Variants in PDXDC1 observed in about 807,000 individuals in gnomAD.
The protein encoded by PDXDC1 is pyridoxal-dependent decarboxylase domain-containing protein 1.
PDXDC1 carries 42 observed loss-of-function variants against 100.1 expected under a neutral mutation model. The ratio of observed to expected loss-of-function variants is 0.42; its 90% confidence interval spans 0.33 to 0.54. PDXDC1 has a LOEUF of 0.54. PDXDC1 is among the 20% of genes least tolerant of loss of function. The probability of loss-of-function intolerance (pLI) is 0.10; values close to 1 mark genes in which losing one functional copy is unlikely to be tolerated. For missense variants in PDXDC1, 636 were observed against 979.2 expected (o/e 0.65, Z 4.68); for synonymous variants, 260 against 371.7 (o/e 0.70, Z 3.46).
downstream of PDXDC1, among the ~76,000 whole-genome samples, chr16:15,139,714 G>A (rs575310567): frequency 3.3e-5 from 5 of 152,240 alleles, no homozygotes; most frequent in Admixed American, 3.3e-4. Flanking sequence ...CAGGGAGGTC[G>A]AGGCTGCAGT....
chr16:15,071,484 G>A (rs1597905992), intron 16 of PDXDC1, among the ~76,000 whole-genome samples: 4 of 152,224 alleles, frequency 2.6e-5, no homozygotes, highest in Middle Eastern at 3.4e-3. Context: ...CAATCAACCC[G>A]GGGCCAGGCA....
intron 1 of PDXDC1, among the ~76,000 whole-genome samples, chr16:14,982,868 T>C (rs1305069731): frequency 6.6e-6 from 1 of 152,256 alleles, no homozygotes; most frequent in African/African-American, 2.4e-5. Context: ...AAATGCTTTT[T>C]GCAGAGATGA....
At chr16:15,019,876 G>C (rs1182696204) in intron 12 of PDXDC1, among the ~76,000 whole-genome samples, 2 of 152,274 alleles carry the variant, frequency 1.3e-5, no homozygotes, top group Non-Finnish European at 2.9e-5. Context: ...ACTTTGGGAG[G>C]CTGAAGCGGG....
rs549707272 is a variant in PDXDC1 at position 15,133,647 on chromosome 16, G to A, written c.1400-5232G>A. 135 of 1,395,782 alleles carry A rather than the reference G, an allele frequency of 9.7e-5. No homozygotes were observed. The African/African-American group carries it at 1.7e-3, about 18-fold the overall frequency. The allele number at this position is 1,395,782 out of a possible 1,614,324, so 86.5% of individuals were successfully genotyped here. A position where few individuals can be genotyped will look rare whatever the true frequency, so the allele number is the denominator to read the frequency against. On this transcript the variant is annotated intron_variant, in intron 16 of 16. Coordinates refer to the PDXDC1 transcript ENST00000535621. Reference sequence around the variant, plus strand: ...TCCTCGCAGTGGCCCTGGCGACAGCGCTGCAGCAGCAGGGCGTACACCAGC... The same window carrying A: ...TCCTCGCAGTGGCCCTGGCGACAGCACTGCAGCAGCAGGGCGTACACCAGC...
Position 15,133,082 on chromosome 16 carries a change from G to C in PDXDC1, c.1400-5797G>C, listed in dbSNP as rs1224252053. The stretch of plus-strand genomic sequence containing the variant: ...GGGGGCTGCATTGTGGAAAGCAGAC[G>C]CCGGAGAGGGCCCGGTGGGTGTGGC... On this transcript the variant is annotated intron_variant, in intron 16 of 16. Coordinates refer to the PDXDC1 transcript ENST00000535621. 4 of 622,934 alleles carry C rather than the reference G, an allele frequency of 6.4e-6. No homozygotes were observed. In the African/African-American group the frequency reaches 7.4e-5, roughly 12 times the overall value. The allele number at this position is 622,934 out of a possible 1,614,324, so 38.6% of individuals were successfully genotyped here.
intron 16 of PDXDC1, among the ~76,000 whole-genome samples, chr16:15,077,591 G>T (rs35512524): frequency 6.6e-6 from 1 of 152,038 alleles, no homozygotes; most frequent in Non-Finnish European, 1.5e-5. Context: ...CCTGTAATCC[G>T]AGCTCTTTGG....
the PDXDC1 span, among the ~76,000 whole-genome samples, chr16:15,145,544 T>C: frequency 1.1e-3 from 171 of 152,332 alleles, 2 homozygotes; most frequent in Admixed American, 1.0e-2. Context: ...ATGGCGCTGC[T>C]AAGGTCAGGA....
intron 3 of PDXDC1, among the ~76,000 whole-genome samples, chr16:15,001,512 AGACT>A (rs1284292424): frequency 4.6e-5 from 7 of 152,288 alleles, no homozygotes; most frequent in Non-Finnish European, 4.4e-5. Context: ...AAAAATAAAA[AGACT>A]GGTGACATTT....
chr16:15,121,958 T>A (rs930411335), intron 16 of PDXDC1: 1 of 239,892 alleles, frequency 4.2e-6, no homozygotes, highest in East Asian at 1.4e-4. Context: ...CTGGCGAACA[T>A]GGTGAAACCC....
At chr16:15,094,685 G>A (rs2046290059) in intron 16 of PDXDC1, 1 of 200,914 alleles carries the variant, frequency 5.0e-6, no homozygotes, top group Non-Finnish European at 1.0e-5. Flanking sequence ...TATACTCAGT[G>A]CAGCAGTCTC....
At chr16:15,034,177 G>T (rs2043249933) in intron 19 of PDXDC1, 109 bp from the exon 20 acceptor site, 1 of 871,478 alleles carries the variant, frequency 1.1e-6, no homozygotes, top group Non-Finnish European at 1.8e-6. Flanking sequence ...TTCAATGCAG[G>T]ATTTCATTGA....
intron 14 of PDXDC1, among the ~76,000 whole-genome samples, chr16:15,028,468 C>T (rs1157822226): frequency 6.6e-6 from 1 of 152,296 alleles, no homozygotes; most frequent in African/African-American, 2.4e-5. Flanking sequence ...TCCAAGATGA[C>T]AGAAACCTTA....
intron 16 of PDXDC1, among the ~76,000 whole-genome samples, chr16:15,064,640 A>G (rs1358603933): frequency 6.6e-6 from 1 of 152,232 alleles, no homozygotes; most frequent in Admixed American, 6.5e-5. Flanking sequence ...CAGTTTAAAG[A>G]AAAACAAAAA....
intron 16 of PDXDC1, among the ~76,000 whole-genome samples, chr16:15,124,489 C>T (rs2047596246): frequency 6.6e-6 from 1 of 150,448 alleles, no homozygotes; most frequent in Admixed American, 6.6e-5. Context: ...AAAAACAAAA[C>T]AGGGGCTGGG....
At chr16:15,031,204 G>C (rs2043044716) in intron 16 of PDXDC1, among the ~76,000 whole-genome samples, 1 of 144,286 alleles carries the variant, frequency 6.9e-6, no homozygotes, top group African/African-American at 2.6e-5. Context: ...TGATCCTCCT[G>C]GCTCAGATTC....
chr16:15,077,227 C>A (rs2045498093), intron 16 of PDXDC1, among the ~76,000 whole-genome samples: 1 of 151,992 alleles, frequency 6.6e-6, no homozygotes, highest in African/African-American at 2.4e-5. Context: ...GATCCACCGG[C>A]CTCAGCTTCC....
At chr16:15,132,082 G>A (rs1166526199) in intron 16 of PDXDC1, among the ~76,000 whole-genome samples, 1 of 5,934 alleles carries the variant, frequency 1.7e-4, no homozygotes, top group African/African-American at 8.2e-4. Context: ...ACAAAAGGAC[G>A]GGGAGGATCG....
chr16:14,988,361 G>A, intron 1 of PDXDC1: 1 of 1,614,034 alleles, frequency 6.2e-7, no homozygotes, highest in Non-Finnish European at 8.5e-7. Context: ...AGAGGGTGAT[G>A]AGGGAGGCCA....
downstream of PDXDC1, chr16:15,041,521 C>A: frequency 1.2e-6 from 1 of 818,086 alleles, no homozygotes; most frequent in South Asian, 1.3e-5. Flanking sequence ...GGTGGCCAAG[C>A]AGTGACAGCA....
Sources: gnomAD v4.1 joint callset for allele counts (sites outside exome capture counted in the v4.1 genomes callset) on GRCh38, gnomAD v4.1.1 for gene constraint, MANE v1.5 for transcripts, NCBI Gene and HGNC (gene_info 2026-07-23, HGNC 2026-07-21) for gene names.